MBTPS1: variants seen among roughly 807,000 people sequenced by gnomAD.
The protein encoded by MBTPS1 is membrane bound transcription factor peptidase, site 1, also known as membrane-bound transcription factor site-1 protease.
A neutral mutation model predicts 127.8 loss-of-function variants in MBTPS1; 94 were observed. That is an observed-to-expected ratio of 0.74 (90% CI 0.62 to 0.87). The LOEUF (loss-of-function observed/expected upper bound fraction) is 0.87, where lower values mean the gene tolerates loss of function less well. Among genes scored for constraint, MBTPS1 ranks in the 40% least tolerant of loss-of-function variants. The pLI is 0.00. For missense variants in MBTPS1, 1,636 were observed against 1,353.2 expected, an observed-to-expected ratio of 1.21 and a Z score of -3.28; for synonymous variants, 632 against 509.4, an observed-to-expected ratio of 1.24 and a Z score of -3.24.
intron 1 of MBTPS1, among the ~76,000 whole-genome samples, chr16:84,107,802 T>G (rs1446262176): frequency 1.3e-5 from 2 of 150,662 alleles, no homozygotes; most frequent in African/African-American, 4.9e-5. Context: ...CCTCTGAGGC[T>G]CAAGTGATCC....
chr16:84,077,409 G>T (rs989540973), intron 11 of MBTPS1, among the ~76,000 whole-genome samples: 1 of 152,138 alleles, frequency 6.6e-6, no homozygotes, highest in Non-Finnish European at 1.5e-5. Flanking sequence ...CAGACCAGTG[G>T]AACAGAATGG....
intron 22 of MBTPS1, 32 bp downstream of exon 22, chr16:84,055,973 T>A: frequency 6.2e-7 from 1 of 1,600,050 alleles, no homozygotes. Flanking sequence ...ACAGGATGAC[T>A]GAGCACAATC....
intron 8 of MBTPS1, among the ~76,000 whole-genome samples, chr16:84,089,529 C>T (rs949012311): frequency 3.3e-5 from 5 of 152,174 alleles, no homozygotes; most frequent in African/African-American, 9.7e-5. Flanking sequence ...AGTAGAAATA[C>T]GCACAAAAAA....
intron 2 of MBTPS1, among the ~76,000 whole-genome samples, chr16:84,100,557 AG>A (rs2086240109): frequency 7.2e-6 from 1 of 138,080 alleles, no homozygotes; most frequent in South Asian, 2.3e-4. Context: ...AAAAGAAAAA[AG>A]AAAAAACAAA....
intron 2 of MBTPS1, among the ~76,000 whole-genome samples, chr16:84,100,712 A>G (rs1322337910): frequency 6.6e-6 from 1 of 151,914 alleles, no homozygotes; most frequent in Non-Finnish European, 1.5e-5. Context: ...GGGCGACAAG[A>G]GCAAAACTCT....
At chr16:84,090,301 C>A (rs3785021) in intron 8 of MBTPS1, among the ~76,000 whole-genome samples, 1 of 152,062 alleles carries the variant, frequency 6.6e-6, no homozygotes, top group East Asian at 1.9e-4. Context: ...TCGCATCTCA[C>A]GCTGCTTAAG....
intron 11 of MBTPS1, among the ~76,000 whole-genome samples, chr16:84,080,072 G>C (rs996786143): frequency 6.6e-6 from 1 of 152,218 alleles, no homozygotes; most frequent in Non-Finnish European, 1.5e-5. Flanking sequence ...GCTCAGAAAA[G>C]GCTGGACACA....
At chr16:84,063,947 C>T (rs2085647759) in intron 18 of MBTPS1, among the ~76,000 whole-genome samples, 1 of 152,148 alleles carries the variant, frequency 6.6e-6, no homozygotes, top group Non-Finnish European at 1.5e-5. Flanking sequence ...AAAAGTATGT[C>T]CACATATTTA....
At chr16:84,083,992 C>T (rs1380433878) in intron 10 of MBTPS1, among the ~76,000 whole-genome samples, 1 of 152,180 alleles carries the variant, frequency 6.6e-6, no homozygotes, top group East Asian at 1.9e-4. Context: ...CAGAGTGTTG[C>T]TCTGTCACCC....
chr16:84,089,802 C>T (rs2086078682), intron 8 of MBTPS1, among the ~76,000 whole-genome samples: 1 of 152,212 alleles, frequency 6.6e-6, no homozygotes, highest in Admixed American at 6.5e-5. Flanking sequence ...GGCTAGGAAA[C>T]ACTGACACCT....
intron 8 of MBTPS1, 117 bp downstream of exon 8, chr16:84,090,758 A>G: frequency 1.3e-6 from 1 of 761,414 alleles, no homozygotes; most frequent in Non-Finnish European, 2.3e-6. Flanking sequence ...CATCCTTAAG[A>G]CAAGTTTTAG....
At chr16:84,085,250 T>C (rs939986215) in intron 9 of MBTPS1, 116 bp from the exon 10 acceptor site, 4 of 1,033,648 alleles carry the variant, frequency 3.9e-6, no homozygotes, top group African/African-American at 1.6e-5. Flanking sequence ...TGTATAACCT[T>C]AGGAAGGTAC....
intron 11 of MBTPS1, among the ~76,000 whole-genome samples, chr16:84,080,140 AT>A (rs1244454290): frequency 6.6e-6 from 1 of 152,316 alleles, no homozygotes; most frequent in East Asian, 1.9e-4. Context: ...CTCGGGGACA[AT>A]TTGAACGACC....
intron 19 of MBTPS1, 145 bp from the exon 20 acceptor site, chr16:84,060,958 C>G (rs1597303391): frequency 1.4e-6 from 1 of 698,800 alleles, no homozygotes; most frequent in Non-Finnish European, 2.3e-6. Flanking sequence ...CTCAGCCTCC[C>G]AAGTAGCTGA....
At chr16:84,111,602 G>A (rs925499563) in intron 1 of MBTPS1, among the ~76,000 whole-genome samples, 2 of 152,008 alleles carry the variant, frequency 1.3e-5, no homozygotes, top group African/African-American at 2.4e-5. Context: ...AAGAAGTCAG[G>A]AGCCAAGGAA....
chr16:84,066,428 C>T lies in MBTPS1; in HGVS notation c.2353+61G>A. The T allele has an allele frequency of 6.4e-6, 10 of 1,564,330 alleles. No homozygotes were observed. In the South Asian group the frequency reaches 1.0e-4, roughly 16 times the overall value. ...TCTCTTTCTCAAGAAATCTAGACTTCAGAGGTGTAGAGCTTCTGCTCTCAC... is the reference window on the plus strand; with the variant it reads ...TCTCTTTCTCAAGAAATCTAGACTTTAGAGGTGTAGAGCTTCTGCTCTCAC... On this transcript the variant is annotated intron_variant, in intron 17 of 22. Coordinates refer to ENST00000343411, the MANE Select transcript of MBTPS1 (RefSeq NM_003791.4).
intron 2 of MBTPS1, among the ~76,000 whole-genome samples, 194 bp from the exon 3 acceptor site, chr16:84,099,504 G>C (rs2086225491): frequency 6.6e-6 from 1 of 152,166 alleles, no homozygotes; most frequent in Admixed American, 6.5e-5. Flanking sequence ...ATCTATATGG[G>C]GCTGGGCGCG....
chr16:84,062,132 A>AT (rs1197839783), intron 19 of MBTPS1, among the ~76,000 whole-genome samples: 1 of 152,022 alleles, frequency 6.6e-6, no homozygotes, highest in Non-Finnish European at 1.5e-5. Context: ...TTTTATTATT[A>AT]TTTTTTAAAA....
At chr16:84,085,306 C>T (rs559606234) in intron 9 of MBTPS1, among the ~76,000 whole-genome samples, 172 bp from the exon 10 acceptor site, 32 of 152,332 alleles carry the variant, frequency 2.1e-4, no homozygotes, top group African/African-American at 6.3e-4. Context: ...AAGGCTCACA[C>T]CTGTAATCCC....
Sources: allele counts gnomAD v4.1 joint callset (sites outside exome capture counted in the v4.1 genomes callset), GRCh38; gene constraint gnomAD v4.1.1; transcripts MANE v1.5; gene names NCBI Gene and HGNC (gene_info 2026-07-23, HGNC 2026-07-21).